Variants in RABGAP1L observed in about 807,000 individuals in gnomAD.
The protein encoded by RABGAP1L is RAB GTPase activating protein 1 like, also known as rab GTPase-activating protein 1-like.
Under a neutral mutation model 137.7 loss-of-function variants are expected in RABGAP1L, and 63 were observed. That is an observed-to-expected ratio of 0.46 (90% CI 0.37 to 0.56). RABGAP1L has a LOEUF of 0.56. Among genes scored for constraint, RABGAP1L ranks in the 20% least tolerant of loss-of-function variants. The probability of loss-of-function intolerance (pLI) is 0.00; values close to 1 mark genes in which losing one functional copy is unlikely to be tolerated. For synonymous variants in RABGAP1L, 431 were observed against 433.7 expected, an observed-to-expected ratio of 0.99 and a Z score of 0.08; for missense variants, 1,095 against 1,244.0, an observed-to-expected ratio of 0.88 and a Z score of 1.80.
rs1454391742 is a variant in RABGAP1L, at chr1:174,591,655, T to G, written c.1711-45720T>G. 7.8e-4 allele frequency among the ~76,000 whole-genome samples: 45 copies of G among 57,838 alleles called. 2 individuals are homozygous for G. In the East Asian group the frequency reaches 0.039, roughly 50 times the overall value. The allele number at this position is 57,838 out of a possible 152,430, so 37.9% of individuals were successfully genotyped here. A position where few individuals can be genotyped will look rare whatever the true frequency, so the allele number is the denominator to read the frequency against. On this transcript the variant is annotated intron_variant, in intron 13 of 25. Coordinates refer to ENST00000681986, the MANE Select transcript of RABGAP1L (RefSeq NM_001366446.1). The stretch of plus-strand genomic sequence containing the variant: ...TTTCTCAGGTTTGTCAAAGATCAGA[T>G]AGTTGTAGATATGTGGCATTATTTC...
At chr1:174,332,785 T>C (rs1681149128) in intron 11 of RABGAP1L, among the ~76,000 whole-genome samples, 1 of 151,902 alleles carries the variant, frequency 6.6e-6, no homozygotes, top group South Asian at 2.1e-4. Flanking sequence ...CAGAAAATTA[T>C]AAAAGTTAAA....
intron 17 of RABGAP1L, among the ~76,000 whole-genome samples, chr1:174,735,605 T>C (rs1455365326): frequency 6.1e-5 from 2 of 33,028 alleles, no homozygotes; most frequent in Non-Finnish European, 9.3e-5. Flanking sequence ...AGAGCAAAAC[T>C]CCATCTCAAA....
At chr1:174,633,155 T>C (rs972960737) in intron 13 of RABGAP1L, among the ~76,000 whole-genome samples, 1 of 151,054 alleles carries the variant, frequency 6.6e-6, no homozygotes, top group Non-Finnish European at 1.5e-5. Flanking sequence ...GCCCAAAATC[T>C]CCTTAAGCTG....
chr1:174,372,409 CG>C (rs1040362938), intron 12 of RABGAP1L, among the ~76,000 whole-genome samples: 2 of 151,780 alleles, frequency 1.3e-5, no homozygotes, highest in African/African-American at 4.8e-5. Context: ...CTTTTTTCGG[CG>C]GGGGGATGTT....
At chr1:174,336,674 T>C (rs1156813233) in intron 11 of RABGAP1L, among the ~76,000 whole-genome samples, 2 of 152,214 alleles carry the variant, frequency 1.3e-5, no homozygotes, top group Non-Finnish European at 2.9e-5. Flanking sequence ...GGTTACACCA[T>C]GGTTTGAGAA....
chr1:174,360,036 A>C (rs752588061), intron 11 of RABGAP1L, among the ~76,000 whole-genome samples: 1 of 152,156 alleles, frequency 6.6e-6, no homozygotes, highest in Non-Finnish European at 1.5e-5. Flanking sequence ...TTTTACTTCA[A>C]ATTGTGCTTA....
Position 174,819,187 on chromosome 1 carries a change from TAAAAAA to T in RABGAP1L, c.2340+7248_2340+7253del, listed in dbSNP as rs71299431. Among the ~76,000 whole-genome samples the T allele has an allele frequency of 6.3e-3, 283 of 44,860 alleles. 2 individuals are homozygous for T. The highest frequency in any genetic ancestry group is 0.021 in the African/African-American group (245 of 11,618). 29.4% of individuals were successfully genotyped at this position (44,860 alleles called of 152,430 possible). A position where few individuals can be genotyped will look rare whatever the true frequency, so the allele number is the denominator to read the frequency against. On this transcript the variant is annotated intron_variant, in intron 19 of 25. Transcript: ENST00000681986. ...GACAGAGCAAGACTCTGCCTGTCTC[TAAAAAA>T]AAAAAAAAAAAAAAAAAAAAGAGAT...
intron 13 of RABGAP1L, among the ~76,000 whole-genome samples, chr1:174,605,638 A>G (rs541337202): frequency 6.6e-6 from 1 of 152,354 alleles, no homozygotes; most frequent in South Asian, 2.1e-4. Flanking sequence ...GGCACCCATC[A>G]CATGGAATAT....
At chr1:174,858,390 G>A (rs1649671071) in intron 19 of RABGAP1L, among the ~76,000 whole-genome samples, 1 of 152,166 alleles carries the variant, frequency 6.6e-6, no homozygotes, top group African/African-American at 2.4e-5. Flanking sequence ...ATTTAGCAAT[G>A]TCTGGAAGAT....
At chr1:174,676,833 TTTCC>T (rs956103688) in intron 14 of RABGAP1L, among the ~76,000 whole-genome samples, 46 of 152,270 alleles carry the variant, frequency 3.0e-4, no homozygotes, top group East Asian at 1.4e-3. Flanking sequence ...AAATAGAATT[TTTCC>T]TTCCTTCCTT....
intron 13 of RABGAP1L, among the ~76,000 whole-genome samples, chr1:174,598,978 T>TCTCC (rs929355901): frequency 1.3e-4 from 20 of 152,108 alleles, no homozygotes; most frequent in East Asian, 3.9e-4. Flanking sequence ...TTATGATCTT[T>TCTCC]CTCCCTCCCT....
intron 11 of RABGAP1L, among the ~76,000 whole-genome samples, chr1:174,350,818 C>T (rs868264166): frequency 4.5e-4 from 35 of 77,076 alleles, no homozygotes; most frequent in African/African-American, 1.7e-3. Context: ...ACTGAGTGAA[C>T]GAGACTCCGT....
chr1:174,976,422 T>TA (rs1309274144), intron 22 of RABGAP1L, among the ~76,000 whole-genome samples: 18 of 152,360 alleles, frequency 1.2e-4, no homozygotes, highest in Middle Eastern at 3.4e-3. Context: ...AATTTGCCTT[T>TA]ACTGAGATAT....
At chr1:174,590,024 A>T (rs1669444378) in intron 13 of RABGAP1L, among the ~76,000 whole-genome samples, 1 of 151,842 alleles carries the variant, frequency 6.6e-6, no homozygotes, top group Middle Eastern at 3.2e-3. Context: ...GATTCGGATT[A>T]CACTGAATCT....
At chr1:174,507,196 C>T (rs977649138) in intron 13 of RABGAP1L, among the ~76,000 whole-genome samples, 1 of 152,148 alleles carries the variant, frequency 6.6e-6, no homozygotes, top group Non-Finnish European at 1.5e-5. Context: ...AGGAATGGGA[C>T]AGAATACTGC....
chr1:174,204,738 G>T (rs1668381679), intron 1 of RABGAP1L, among the ~76,000 whole-genome samples: 1 of 152,136 alleles, frequency 6.6e-6, no homozygotes, highest in Non-Finnish European at 1.5e-5. Context: ...CCTGGGGGCG[G>T]ATGTCTCCCT....
At chr1:174,819,822 G>T (rs1690834455) in intron 19 of RABGAP1L, among the ~76,000 whole-genome samples, 1 of 152,072 alleles carries the variant, frequency 6.6e-6, no homozygotes, top group Admixed American at 6.5e-5. Context: ...AATAAAGAAA[G>T]GGAAATATAT....
At chr1:174,428,726 A>G (rs377156608) in intron 13 of RABGAP1L, among the ~76,000 whole-genome samples, 18 of 152,306 alleles carry the variant, frequency 1.2e-4, no homozygotes, top group African/African-American at 4.3e-4. Flanking sequence ...TCTTTTCACC[A>G]GTGTTGAGTG....
intron 18 of RABGAP1L, among the ~76,000 whole-genome samples, chr1:174,801,928 A>G (rs1385094184): frequency 6.6e-6 from 1 of 152,164 alleles, no homozygotes; most frequent in Non-Finnish European, 1.5e-5. Context: ...CCTAAAGACT[A>G]CTCAACTTTG....
Sources: allele counts gnomAD v4.1 joint callset (sites outside exome capture counted in the v4.1 genomes callset), GRCh38; gene constraint gnomAD v4.1.1; transcripts MANE v1.5; gene names NCBI Gene and HGNC (gene_info 2026-07-23, HGNC 2026-07-21).